CNTN1: variants seen among roughly 807,000 people sequenced by gnomAD.
The protein encoded by CNTN1 is contactin 1.
Under a neutral mutation model 126.4 loss-of-function variants are expected in CNTN1, and 38 were observed. That is an observed-to-expected ratio of 0.30 (90% CI 0.23 to 0.39). CNTN1 has a LOEUF of 0.39. Among genes scored for constraint, CNTN1 ranks in the 10% least tolerant of loss-of-function variants. The pLI is 1.00. For synonymous variants in CNTN1, 413 were observed against 422.6 expected (o/e 0.98, Z 0.28); for missense variants, 1,009 against 1,248.4 (o/e 0.81, Z 2.89).
chr12:40,720,831 A>C (rs1942184024), intron 1 of CNTN1, among the ~76,000 whole-genome samples: 1 of 152,038 alleles, frequency 6.6e-6, no homozygotes, highest in Non-Finnish European at 1.5e-5. Flanking sequence ...CGGGAGGCTG[A>C]GGCAGGGGAA....
At chr12:40,835,084 A>G (rs1188305462) in intron 1 of CNTN1, among the ~76,000 whole-genome samples, 2 of 152,174 alleles carry the variant, frequency 1.3e-5, no homozygotes, top group African/African-American at 4.8e-5. Context: ...GCAAATGTGA[A>G]TATGATATTA....
intron 1 of CNTN1, among the ~76,000 whole-genome samples, chr12:40,876,522 C>A (rs1943674525): frequency 6.6e-6 from 1 of 151,994 alleles, no homozygotes; most frequent in Non-Finnish European, 1.5e-5. Flanking sequence ...ACTAAACCAT[C>A]AATATGACCA....
At chr12:40,906,014 G>A (rs1377808012) in intron 1 of CNTN1, among the ~76,000 whole-genome samples, 2 of 152,186 alleles carry the variant, frequency 1.3e-5, no homozygotes, top group African/African-American at 4.8e-5. Context: ...AATGGCTCAC[G>A]CCTGTAATCC....
At position 40,830,956 on chromosome 12, in the gene CNTN1, T is replaced by TAC. The variant is rs1317466640; in HGVS notation, c.-76-77400_-76-77399insCA. Among the ~76,000 whole-genome samples the TAC allele has an allele frequency of 4.3e-4, 47 of 108,174 alleles. 1 individual carries two copies. Among genetic ancestry groups the TAC allele is most frequent in the South Asian group, 1.0e-3 (3 of 3,008 alleles). The allele number at this position is 108,174 out of a possible 152,430, so 71.0% of individuals were successfully genotyped here. ...ATATACATATATATATATATATATATATATATACACACACACACACACACT... is the reference window on the plus strand; with the variant it reads ...ATATACATATATATATATATATATATACATATATACACACACACACACACACT... On this transcript the variant is annotated intron_variant, in intron 1 of 23. Coordinates refer to ENST00000551295, the MANE Select transcript of CNTN1 (RefSeq NM_001843.4).
At chr12:40,870,804 T>C (rs1295440044) in intron 1 of CNTN1, among the ~76,000 whole-genome samples, 1 of 152,052 alleles carries the variant, frequency 6.6e-6, no homozygotes, top group Non-Finnish European at 1.5e-5. Flanking sequence ...ATAAAAAGCT[T>C]ATTATCGTTG....
intron 23 of CNTN1, among the ~76,000 whole-genome samples, chr12:41,038,896 A>G (rs2120928720): frequency 6.6e-6 from 1 of 152,000 alleles, no homozygotes; most frequent in South Asian, 2.1e-4. Context: ...GAAATGCTTG[A>G]AAAAAAATGG....
chr12:40,927,238 C>T (rs967574072), intron 6 of CNTN1, among the ~76,000 whole-genome samples: 6 of 151,834 alleles, frequency 4.0e-5, no homozygotes, highest in South Asian at 2.1e-4. Flanking sequence ...GTCTATAATC[C>T]GAGGAAAACA....
intron 1 of CNTN1, among the ~76,000 whole-genome samples, chr12:40,891,532 C>G (rs554836048): frequency 1.8e-4 from 27 of 152,110 alleles, no homozygotes; most frequent in African/African-American, 6.5e-4. Context: ...AAATTTAGGT[C>G]CCTGACTCAT....
chr12:40,866,380 C>T (rs1308954197), intron 1 of CNTN1, among the ~76,000 whole-genome samples: 1 of 152,094 alleles, frequency 6.6e-6, no homozygotes, highest in Non-Finnish European at 1.5e-5. Flanking sequence ...ACATCTTTGT[C>T]TTATTCCTGA....
At chr12:41,061,242 A>G (rs939285025) in intron 23 of CNTN1, among the ~76,000 whole-genome samples, 11 of 152,200 alleles carry the variant, frequency 7.2e-5, no homozygotes, top group African/African-American at 2.7e-4. Context: ...AGCTTCTTAT[A>G]AAAGCTAGAA....
At chr12:41,042,724 G>A (rs1427870525) in intron 23 of CNTN1, among the ~76,000 whole-genome samples, 1 of 152,094 alleles carries the variant, frequency 6.6e-6, no homozygotes, top group Non-Finnish European at 1.5e-5. Context: ...TAAGCTGGAG[G>A]CATCACACTA....
At chr12:40,785,420 G>C (rs1051680843) in intron 1 of CNTN1, among the ~76,000 whole-genome samples, 1 of 152,124 alleles carries the variant, frequency 6.6e-6, no homozygotes, top group Non-Finnish European at 1.5e-5. Flanking sequence ...TCACCTGTCT[G>C]TGTGAAGAGA....
At position 41,065,166 on chromosome 12, in the gene CNTN1, C is replaced by T. The variant is rs558168216; in HGVS notation, c.2981-4793C>T. ...TGCCTCCCGGGTTCACGCCATTCTC[C>T]TGCCTCAGCCTCCCGAGTAGCTGGG... On this transcript the variant is annotated intron_variant, in intron 23 of 23. Transcript: ENST00000551295. Among the ~76,000 whole-genome samples, 239 of 152,338 alleles carry T rather than the reference C, an allele frequency of 1.6e-3. 2 individuals carry two copies. Among genetic ancestry groups the T allele is most frequent in the South Asian group, 0.013 (62 of 4,830 alleles).
chr12:40,916,336 C>A (rs77334679), intron 3 of CNTN1, among the ~76,000 whole-genome samples: 2,863 of 152,082 alleles, frequency 0.019, 90 homozygotes, highest in African/African-American at 0.065. Context: ...CAGTCAGAAA[C>A]CCTGTGCAAT....
At chr12:41,047,741 G>A (rs1429782305) in intron 23 of CNTN1, among the ~76,000 whole-genome samples, 3 of 152,098 alleles carry the variant, frequency 2.0e-5, no homozygotes, top group South Asian at 4.2e-4. Flanking sequence ...GTGATACAAT[G>A]TAGGCATAAA....
At chr12:40,891,833 G>A (rs948942250) in intron 1 of CNTN1, among the ~76,000 whole-genome samples, 9 of 152,004 alleles carry the variant, frequency 5.9e-5, no homozygotes, top group African/African-American at 1.9e-4. Context: ...GACAGTGTCC[G>A]TCCTCCAGCT....
chr12:40,710,669 G>A (rs1371339931), intron 1 of CNTN1, among the ~76,000 whole-genome samples: 1 of 152,078 alleles, frequency 6.6e-6, no homozygotes, highest in Non-Finnish European at 1.5e-5. Flanking sequence ...GATCTAAGGT[G>A]GTAGATATGA....
intron 1 of CNTN1, among the ~76,000 whole-genome samples, chr12:40,871,186 GAAA>G (rs201485882): frequency 8.8e-6 from 1 of 113,508 alleles, no homozygotes; most frequent in Non-Finnish European, 2.0e-5. Context: ...CTGTTACAGA[GAAA>G]AAAAAAAAAA....
chr12:41,020,477 C>T, intron 20 of CNTN1, 37 bp downstream of exon 20: 1 of 1,278,134 alleles, frequency 7.8e-7, no homozygotes, highest in Non-Finnish European at 1.1e-6. Flanking sequence ...TACATTTATT[C>T]ATAAATATAT....
Sources: allele counts gnomAD v4.1 joint callset (sites outside exome capture counted in the v4.1 genomes callset), GRCh38; gene constraint gnomAD v4.1.1; transcripts MANE v1.5; gene names NCBI Gene and HGNC (gene_info 2026-07-23, HGNC 2026-07-21).